The following MNAT1 variants were observed in gnomAD, a reference collection of about 807,000 sequenced individuals.
The protein encoded by MNAT1 is MNAT1 component of CDK activating kinase.
Under a neutral mutation model 42.0 loss-of-function variants are expected in MNAT1, and 43 were observed. That is an observed-to-expected ratio of 1.02 (90% confidence interval 0.80 to 1.32). The LOEUF is 1.32. Among genes scored for constraint, MNAT1 ranks in the 40% most tolerant of loss-of-function variants. The probability of loss-of-function intolerance (pLI) is 0.00; values close to 1 mark genes in which losing one functional copy is unlikely to be tolerated. For synonymous variants in MNAT1, 118 were observed against 120.0 expected (o/e 0.98, Z 0.11); for missense variants, 306 against 350.4 (o/e 0.87, Z 1.01).
intron 6 of MNAT1, among the ~76,000 whole-genome samples, chr14:60,822,327 T>C (rs750484088): frequency 6.6e-5 from 10 of 152,214 alleles, no homozygotes; most frequent in Non-Finnish European, 1.5e-4. Flanking sequence ...CTGAACATGA[T>C]ATGAACAAAA....
chr14:60,794,660 A>AAAAT (rs1555375163), intron 1 of MNAT1, among the ~76,000 whole-genome samples: 8 of 28,634 alleles, frequency 2.8e-4, no homozygotes, highest in African/African-American at 1.0e-3. Context: ...AAAAAAAAAA[A>AAAAT]ATATATATAT....
chr14:60,846,340 TGACA>T (rs1382943634), intron 6 of MNAT1, among the ~76,000 whole-genome samples: 1 of 152,134 alleles, frequency 6.6e-6, no homozygotes, highest in Non-Finnish European at 1.5e-5. Context: ...CCTAGCGGTG[TGACA>T]GTCTTGTTGA....
intron 7 of MNAT1, among the ~76,000 whole-genome samples, chr14:60,942,313 C>T (rs1482089924): frequency 6.6e-6 from 1 of 152,132 alleles, no homozygotes; most frequent in Admixed American, 6.5e-5. Context: ...GGACTTCTTC[C>T]ATCTTGCCCT....
chr14:60,863,653 A>C (rs1343529349), intron 6 of MNAT1, among the ~76,000 whole-genome samples: 2 of 152,160 alleles, frequency 1.3e-5, no homozygotes, highest in African/African-American at 4.8e-5. Context: ...TAATTTTAAA[A>C]AATGGACACA....
intron 7 of MNAT1, among the ~76,000 whole-genome samples, chr14:60,944,517 A>G (rs918557004): frequency 6.6e-6 from 1 of 152,212 alleles, no homozygotes; most frequent in African/African-American, 2.4e-5. Context: ...ATAGACTTCT[A>G]TCGTTTAAGC....
intron 7 of MNAT1, among the ~76,000 whole-genome samples, chr14:60,889,473 C>T (rs1205395067): frequency 1.3e-5 from 2 of 152,012 alleles, no homozygotes; most frequent in East Asian, 1.9e-4. Context: ...AAGACTTAAA[C>T]GTTAGATCTA....
chr14:60,876,633 AT>A (rs1382910609), intron 6 of MNAT1, among the ~76,000 whole-genome samples: 1 of 152,038 alleles, frequency 6.6e-6, no homozygotes, highest in African/African-American at 2.4e-5. Flanking sequence ...GTCTCCATGA[AT>A]TTGACTACTT....
rs567045984 is a variant in MNAT1, at chr14:60,844,541, A to G, written c.687+25694A>G. Among the ~76,000 whole-genome samples the G allele has an allele frequency of 5.6e-3, 855 of 152,146 alleles. 6 individuals carry two copies. Among genetic ancestry groups the G allele is most frequent in the Non-Finnish European group, 9.1e-3 (620 of 67,936 alleles). On this transcript the variant is annotated intron_variant, in intron 6 of 7. Coordinates refer to ENST00000261245, the MANE Select transcript of MNAT1 (RefSeq NM_002431.4). Reference sequence around the variant, plus strand: ...TTAATCCTGGTATGTATATTTTTACATTGGGCTTGCGTGCGATGAGCTTTT... The same window carrying G: ...TTAATCCTGGTATGTATATTTTTACGTTGGGCTTGCGTGCGATGAGCTTTT...
chr14:60,892,431 G>A lies in MNAT1; in HGVS notation c.809+12596G>A, dbSNP rs137931051. Among the ~76,000 whole-genome samples the A allele has an allele frequency of 3.4e-3, 524 of 152,046 alleles. 3 individuals are homozygous for A. Among genetic ancestry groups the A allele is most frequent in the African/African-American group, 0.012 (502 of 41,498 alleles). On this transcript the variant is annotated intron_variant, in intron 7 of 7. Transcript: ENST00000261245. The stretch of plus-strand genomic sequence containing the variant: ...CTCTGTTCTGTTTTTGTTACTATTC[G>A]CATGGAATAGCCTTTTTCATTCTTT...
intron 6 of MNAT1, among the ~76,000 whole-genome samples, chr14:60,878,493 G>T (rs777058427): frequency 6.6e-6 from 1 of 152,118 alleles, no homozygotes; most frequent in Admixed American, 6.6e-5. Flanking sequence ...TTGTTGAGAG[G>T]AAATGAGCAG....
chr14:60,866,048 G>A (rs1192316035), intron 6 of MNAT1, among the ~76,000 whole-genome samples: 2 of 151,976 alleles, frequency 1.3e-5, no homozygotes, highest in Non-Finnish European at 2.9e-5. Flanking sequence ...GAATCATATC[G>A]TACATGCATT....
At chr14:60,808,223 T>A (rs2032437878) in intron 3 of MNAT1, 102 bp from the exon 4 acceptor site, 1 of 665,254 alleles carries the variant, frequency 1.5e-6, no homozygotes, top group African/African-American at 1.9e-5. Context: ...CTATAAAGAA[T>A]GACAACCTAA....
intron 7 of MNAT1, among the ~76,000 whole-genome samples, chr14:60,951,442 G>A (rs1296301724): frequency 6.6e-6 from 1 of 151,482 alleles, no homozygotes; most frequent in East Asian, 1.9e-4. Flanking sequence ...TGTCGGGGGA[G>A]AGCTCTACTG....
chr14:60,871,044 C>T (rs191546518), intron 6 of MNAT1, among the ~76,000 whole-genome samples: 2 of 152,226 alleles, frequency 1.3e-5, no homozygotes, highest in East Asian at 3.9e-4. Context: ...TTTTGATGTT[C>T]ATCCATGTTG....
intron 7 of MNAT1, among the ~76,000 whole-genome samples, chr14:60,880,670 C>G (rs753820513): frequency 1.5e-4 from 23 of 152,074 alleles, no homozygotes; most frequent in Non-Finnish European, 2.5e-4. Context: ...CTACATGCAT[C>G]TTCAAAAACA....
At chr14:60,777,009 G>A (rs992110683) in intron 1 of MNAT1, among the ~76,000 whole-genome samples, 49 of 151,840 alleles carry the variant, frequency 3.2e-4, no homozygotes, top group African/African-American at 1.1e-3. Context: ...CACCACTCCC[G>A]GCTAATTTTT....
chr14:60,763,399 T>A (rs1458758303), intron 1 of MNAT1, among the ~76,000 whole-genome samples: 2 of 152,172 alleles, frequency 1.3e-5, no homozygotes, highest in Non-Finnish European at 2.9e-5. Flanking sequence ...CATATGCTCT[T>A]TATGCTGGAA....
chr14:60,891,543 C>G (rs557060803), intron 7 of MNAT1, among the ~76,000 whole-genome samples: 29 of 152,142 alleles, frequency 1.9e-4, no homozygotes, highest in Non-Finnish European at 3.7e-4. Context: ...CTCCGCCTCC[C>G]ATATTCAAGT....
chr14:60,782,138 A>C (rs1230173685), intron 1 of MNAT1, among the ~76,000 whole-genome samples: 1 of 152,102 alleles, frequency 6.6e-6, no homozygotes. Flanking sequence ...GACATTTTTC[A>C]ATGAAATAAG....
Sources: allele counts gnomAD v4.1 joint callset (sites outside exome capture counted in the v4.1 genomes callset), GRCh38; gene constraint gnomAD v4.1.1; transcripts MANE v1.5; gene names NCBI Gene and HGNC (gene_info 2026-07-23, HGNC 2026-07-21).